The following CREB5 variants were observed in gnomAD, a reference collection of about 807,000 sequenced individuals.
CREB5 encodes cyclic AMP-responsive element-binding protein 5.
In CREB5, 19 loss-of-function variants were observed where a neutral mutation model predicts 57.1. The observed-to-expected ratio is 0.33, with a 90% CI of 0.23 to 0.49. CREB5 has a LOEUF of 0.49. Ranked by LOEUF, CREB5 falls within the 20% of genes least tolerant of loss-of-function variation. CREB5 has a pLI of 0.99. For missense variants in CREB5, 579 were observed against 671.6 expected (o/e 0.86, Z 1.52); for synonymous variants, 238 against 238.3 (o/e 1.00, Z 0.01).
chr7:28,473,844 A>C (rs575669991), intron 1 of CREB5, among the ~76,000 whole-genome samples: 70 of 152,330 alleles, frequency 4.6e-4, no homozygotes, highest in African/African-American at 1.6e-3. Context: ...CTTTGGGTCC[A>C]TGACCCTGGC....
At position 28,694,249 on chromosome 7, in the gene CREB5, A is replaced by G. The variant is rs141165033; in HGVS notation, c.465-24504A>G. On this transcript the variant is annotated intron_variant, in intron 5 of 10. Transcript: ENST00000357727. Reference sequence around the variant, plus strand: ...ATTAATCATAATAACAGCAATTATAATAAACCCATTTAGTGTAAATGTAGT... The same window carrying G: ...ATTAATCATAATAACAGCAATTATAGTAAACCCATTTAGTGTAAATGTAGT... Among the ~76,000 whole-genome samples, 542 of 152,340 alleles carry G rather than the reference A, an allele frequency of 3.6e-3. 2 individuals carry two copies. Among genetic ancestry groups the G allele is most frequent in the African/African-American group, 0.012 (507 of 41,572 alleles).
chr7:28,560,885 T>TGTGCGCGCGTGCATGC (rs1365184678), intron 4 of CREB5, among the ~76,000 whole-genome samples: 1 of 26,478 alleles, frequency 3.8e-5, no homozygotes, highest in Non-Finnish European at 7.4e-5. Flanking sequence ...CGTGCGTGCG[T>TGTGCGCGCGTGCATGC]GCGTGTGTGT....
chr7:28,364,284 G>A (rs560823854), intron 1 of CREB5, among the ~76,000 whole-genome samples: 155 of 152,288 alleles, frequency 1.0e-3, no homozygotes, highest in African/African-American at 3.6e-3. Flanking sequence ...CTGCTCCCTG[G>A]TGGTGACATA....
rs576388862 is a variant in CREB5, at chr7:28,489,593, G to C, written c.75+1347G>C. On this transcript the variant is annotated intron_variant, in intron 2 of 10. Coordinates refer to ENST00000357727, the MANE Select transcript of CREB5 (RefSeq NM_182898.4). The stretch of plus-strand genomic sequence containing the variant: ...TGGGATTACAGGCGTGAGCCACCGC[G>C]CCCGGCCGGACCCTTCTTATTAACT... 5.3e-3 allele frequency among the ~76,000 whole-genome samples: 813 copies of C among 152,142 alleles called. 5 individuals are homozygous for C. Among genetic ancestry groups the C allele is most frequent in the African/African-American group, 0.017 (711 of 41,498 alleles).
At chr7:28,589,971 G>T (rs1796439427) in intron 5 of CREB5, among the ~76,000 whole-genome samples, 1 of 152,122 alleles carries the variant, frequency 6.6e-6, no homozygotes, top group Non-Finnish European at 1.5e-5. Flanking sequence ...ATTATATCTG[G>T]TGGTATGGGA....
At chr7:28,534,230 G>A (rs1380817186) in intron 4 of CREB5, among the ~76,000 whole-genome samples, 1 of 152,202 alleles carries the variant, frequency 6.6e-6, no homozygotes, top group East Asian at 1.9e-4. Flanking sequence ...TCAAATTGGA[G>A]TGCAGTCTTT....
At chr7:28,799,001 G>T (rs542409450) in intron 7 of CREB5, among the ~76,000 whole-genome samples, 1 of 152,180 alleles carries the variant, frequency 6.6e-6, no homozygotes, top group African/African-American at 2.4e-5. Context: ...GAGTGGAGTA[G>T]AAATTTCTAT....
At chr7:28,429,771 C>T (rs952171465) in intron 1 of CREB5, among the ~76,000 whole-genome samples, 1 of 152,186 alleles carries the variant, frequency 6.6e-6, no homozygotes, top group Non-Finnish European at 1.5e-5. Context: ...TATCTAACAT[C>T]GCCTGAGGTT....
chr7:28,575,607 C>T (rs573473355), intron 5 of CREB5, among the ~76,000 whole-genome samples: 2 of 152,358 alleles, frequency 1.3e-5, no homozygotes, highest in African/African-American at 4.8e-5. Context: ...CAGGTCCCGG[C>T]TTGTCACTGG....
At chr7:28,776,570 A>C (rs1461321836) in intron 7 of CREB5, among the ~76,000 whole-genome samples, 1 of 152,080 alleles carries the variant, frequency 6.6e-6, no homozygotes, top group Non-Finnish European at 1.5e-5. Context: ...CATAAAATTC[A>C]CTCTCTCAAA....
chr7:28,434,583 A>C (rs559022738), intron 1 of CREB5, among the ~76,000 whole-genome samples: 1 of 152,350 alleles, frequency 6.6e-6, no homozygotes, highest in South Asian at 2.1e-4. Context: ...AGATTATTGT[A>C]ACTCAATAAT....
At chr7:28,307,731 G>A (rs1458315267) in intron 1 of CREB5, among the ~76,000 whole-genome samples, 2 of 152,218 alleles carry the variant, frequency 1.3e-5, no homozygotes, top group Non-Finnish European at 2.9e-5. Flanking sequence ...AGCACAATGT[G>A]CCTGGCACTG....
chr7:28,326,211 A>AT (rs1159077603), intron 1 of CREB5, among the ~76,000 whole-genome samples: 10 of 115,526 alleles, frequency 8.7e-5, no homozygotes, highest in Non-Finnish European at 1.7e-4. Flanking sequence ...CTATCTATCT[A>AT]CCTATCTATC....
chr7:28,790,905 G>A (rs546593221), intron 7 of CREB5, among the ~76,000 whole-genome samples: 7 of 152,326 alleles, frequency 4.6e-5, no homozygotes, highest in South Asian at 4.1e-4. Context: ...TTGGCTTAGT[G>A]GTTGACACAT....
At chr7:28,336,648 A>G (rs1785828489) in intron 1 of CREB5, among the ~76,000 whole-genome samples, 1 of 151,728 alleles carries the variant, frequency 6.6e-6, no homozygotes, top group Non-Finnish European at 1.5e-5. Context: ...CCAACTTTTC[A>G]TTTCATTGAT....
At chr7:28,819,063 A>T (rs1052686696) in intron 10 of CREB5, 53 bp from the exon 11 acceptor site, 20 of 1,551,022 alleles carry the variant, frequency 1.3e-5, no homozygotes, top group Non-Finnish European at 1.7e-5. Context: ...TACAAAAAAG[A>T]CCTATATTGG....
At chr7:28,359,617 C>G (rs1786426258) in intron 1 of CREB5, among the ~76,000 whole-genome samples, 1 of 84,980 alleles carries the variant, frequency 1.2e-5, no homozygotes, top group Non-Finnish European at 2.5e-5. Context: ...TGTAAAACTA[C>G]TAGAAGAAAA....
At chr7:28,618,593 T>C (rs1384603147) in intron 5 of CREB5, among the ~76,000 whole-genome samples, 2 of 152,114 alleles carry the variant, frequency 1.3e-5, no homozygotes, top group Non-Finnish European at 2.9e-5. Context: ...GCGGGACCAG[T>C]AGGGCTCTCT....
chr7:28,734,247 A>G (rs538003444), intron 7 of CREB5, among the ~76,000 whole-genome samples: 6 of 150,828 alleles, frequency 4.0e-5, no homozygotes, highest in East Asian at 1.9e-4. Flanking sequence ...CAAAAAAAAC[A>G]GGTTAATGGA....
Sources: allele counts gnomAD v4.1 joint callset (sites outside exome capture counted in the v4.1 genomes callset), GRCh38; gene constraint gnomAD v4.1.1; transcripts MANE v1.5; gene names NCBI Gene and HGNC (gene_info 2026-07-23, HGNC 2026-07-21).